The following GABBR1 variants were observed in gnomAD, a reference collection of about 807,000 sequenced individuals.
GABBR1 encodes gamma-aminobutyric acid type B receptor subunit 1.
A neutral mutation model predicts 117.7 loss-of-function variants in GABBR1; 35 were observed. That is an observed-to-expected ratio of 0.30 (90% CI 0.23 to 0.39). The LOEUF (loss-of-function observed/expected upper bound fraction) is 0.39, where lower values mean the gene tolerates loss of function less well. Among genes scored for constraint, GABBR1 ranks in the 10% least tolerant of loss-of-function variants. GABBR1 has a pLI of 1.00. For synonymous variants in GABBR1, 442 were observed against 486.6 expected (o/e 0.91, Z 1.21); for missense variants, 709 against 1,241.8 (o/e 0.57, Z 6.45).
Position 29,609,427 on chromosome 6 carries a change from G to C in GABBR1, c.1709-48C>G. On this transcript the variant is annotated intron_variant, in intron 14 of 22. Coordinates refer to ENST00000377034, the MANE Select transcript of GABBR1 (RefSeq NM_001470.4). This position sits in a 1 kb window ranked among gnomAD's most constrained non-coding sequence, Gnocchi z 4.3. ...AGGGGAAGGGAAAAGAGAAGGGAAG[G>C]AGGACAAAGGAATGAAGACGGGATA... 1.9e-6 allele frequency: 3 copies of C among 1,541,278 alleles called. No individual in the cohort carries two copies. The highest frequency in any genetic ancestry group is 2.7e-6 in the Non-Finnish European group (3 of 1,117,326).
Position 29,629,127 on chromosome 6 carries a change from G to A in GABBR1, c.476-20C>T, listed in dbSNP as rs898172823. ...GATTCACTGGCAGCAGGAAAGACGG[G>A]GATCAGAGAAGAGTTACCACTGGCG... On this transcript the variant is annotated intron_variant, in intron 4 of 22. Coordinates refer to ENST00000377034, the MANE Select transcript of GABBR1 (RefSeq NM_001470.4). 5.6e-6 allele frequency: 9 copies of A among 1,612,800 alleles called. No homozygotes were observed. The highest frequency in any genetic ancestry group is 7.6e-6 in the Non-Finnish European group (9 of 1,179,984).
Position 29,606,994 on chromosome 6 carries a change from G to C in GABBR1, c.2120C>G (p.Pro707Arg), listed in dbSNP as rs764645892. The change falls in exon 18 of 23, where the codon CCC (proline) becomes CGC (arginine). Residue 707 changes from proline (P) to arginine (R), a missense_variant. Around this residue, in one of 9 missense-constraint regions of GABBR1, gnomAD observed 251 missense variants for 445.3 expected, o/e 0.56. Coordinates refer to ENST00000377034, the MANE Select transcript of GABBR1 (RefSeq NM_001470.4). This position sits in a 1 kb window ranked among gnomAD's most constrained non-coding sequence, Gnocchi z 4.5. The part of the protein sequence containing the change: ...EKKEWRKTLE[P>R]WKLYATVGLL... The stretch of plus-strand genomic sequence containing the variant: ...GCCCACTGTGGCATACAGCTTCCAG[G>C]GTTCCAGAGTCTGGATAAATATGTG... The C allele has an allele frequency of 1.1e-5, 18 of 1,613,982 alleles. No individual in the cohort carries two copies. Among genetic ancestry groups the C allele is most frequent in the Non-Finnish European group, 1.4e-5 (17 of 1,179,920 alleles).
At position 29,621,457 on chromosome 6, in the gene GABBR1, T is replaced by G. The variant is rs1763741794; in HGVS notation, c.1132-165A>C. On this transcript the variant is annotated intron_variant, in intron 10 of 22. Coordinates refer to ENST00000377034, the MANE Select transcript of GABBR1 (RefSeq NM_001470.4). The surrounding 1 kb of genome is among the most constrained non-coding windows in gnomAD (Gnocchi z 5.0). ...AGTAGGAAAGGCTGACAATTCTTCCTTCTAAGTTTCTCCCCAGCCCCTGTA... is the reference window on the plus strand; with the variant it reads ...AGTAGGAAAGGCTGACAATTCTTCCGTCTAAGTTTCTCCCCAGCCCCTGTA... 6.6e-6 allele frequency among the ~76,000 whole-genome samples: 1 copy of G among 152,210 alleles called. No individual in the cohort carries two copies. Among genetic ancestry groups the G allele is most frequent in the African/African-American group, 2.4e-5 (1 of 41,454 alleles).
Position 29,605,792 on chromosome 6 carries a change from G to T in GABBR1, c.2312-96C>A. On this transcript the variant is annotated intron_variant, in intron 19 of 22. Transcript: ENST00000377034. The surrounding 1 kb of genome is among the most constrained non-coding windows in gnomAD (Gnocchi z 4.2). Reference sequence around the variant, plus strand: ...TCTGCCCTTCACCTACTCTGAAATGGAAAGGGGGCCCTCCTCTCCAATCCA... The same window carrying T: ...TCTGCCCTTCACCTACTCTGAAATGTAAAGGGGGCCCTCCTCTCCAATCCA... 2.1e-6 allele frequency: 3 copies of T among 1,454,798 alleles called. No individual in the cohort carries two copies. The highest frequency in any genetic ancestry group is 2.3e-5 in the East Asian group (1 of 43,212). The allele number at this position is 1,454,798 out of a possible 1,614,324, so 90.1% of individuals were successfully genotyped here.
chr6:29,620,839 G>C lies in GABBR1; in HGVS notation c.1323+262C>G, dbSNP rs1763673774. Among the ~76,000 whole-genome samples, 1 of 151,628 alleles carries C rather than the reference G, an allele frequency of 6.6e-6. No individual in the cohort carries two copies. Among genetic ancestry groups the C allele is most frequent in the Admixed American group, 6.6e-5 (1 of 15,230 alleles). On this transcript the variant is annotated intron_variant, in intron 11 of 22. Transcript: ENST00000377034. This position sits in a 1 kb window ranked among gnomAD's most constrained non-coding sequence, Gnocchi z 4.5. ...CTCACCAACTGCTCCTCGTCTCCAT[G>C]GTAACAGCCCTTCCACTCATCAGGA... is the stretch of plus-strand genomic sequence containing the variant.
rs1173345217 is a variant in GABBR1 at position 29,631,577 on chromosome 6, G to A, written c.108C>T (p.Pro36=). The stretch of plus-strand genomic sequence containing the variant: ...CCCGGTACCTGATGCCCCCTTCCCA[G>A]GGCGGGTGTATGATCTGGCAACCTA... ...TSEGCQIIHP[P]WEGGIRYRGL... The change falls in exon 3 of 23, where the codon CCC becomes CCT. Residue 36 remains proline, a synonymous_variant. Transcript: ENST00000377034. The surrounding 1 kb of genome is among the most constrained non-coding windows in gnomAD (Gnocchi z 5.9). 1 of 1,614,036 alleles carries A rather than the reference G, an allele frequency of 6.2e-7. No individual in the cohort carries two copies. The highest frequency in any genetic ancestry group is 2.2e-5 in the East Asian group (1 of 44,894).
intron 11 of GABBR1, among the ~76,000 whole-genome samples, chr6:29,617,316 T>TTC (rs1554189163): frequency 3.4e-5 from 5 of 145,734 alleles, no homozygotes; most frequent in Middle Eastern, 3.2e-3. Flanking sequence ...TTTTTTTTTT[T>TTC]TTTTGAGATG....
chr6:29,607,071 T>A lies in GABBR1; in HGVS notation c.2109+31A>T. On this transcript the variant is annotated intron_variant, in intron 17 of 22. Coordinates refer to ENST00000377034, the MANE Select transcript of GABBR1 (RefSeq NM_001470.4). This position sits in a 1 kb window ranked among gnomAD's most constrained non-coding sequence, Gnocchi z 5.0. The stretch of plus-strand genomic sequence containing the variant: ...TGCTCTGTGCCCCAGGAGCCAAGGA[T>A]CTGGGGGCTGAGGATTGGGCAGCAG... 1 of 1,606,816 alleles carries A rather than the reference T, an allele frequency of 6.2e-7. No individual in the cohort carries two copies.
intron 13 of GABBR1, 65 bp downstream of exon 13, chr6:29,612,486 G>T: frequency 7.2e-7 from 1 of 1,392,100 alleles, no homozygotes; most frequent in East Asian, 2.3e-5. Context: ...TTCTTCCCCA[G>T]GGGGCATCCC....
rs56034620 is a variant in GABBR1, at chr6:29,632,347, G to A, written c.39C>T (p.Arg13=). 3.3e-3 allele frequency: 4,472 copies of A among 1,362,926 alleles called. 19 individuals are homozygous for A. Among genetic ancestry groups the A allele is most frequent in the Middle Eastern group, 8.5e-3 (44 of 5,152 alleles). 84.4% of individuals were successfully genotyped at this position (1,362,926 alleles called of 1,614,324 possible). A position where few individuals can be genotyped will look rare whatever the true frequency, so the allele number is the denominator to read the frequency against. The change falls in exon 2 of 23, where the codon CGC becomes CGT. Residue 13 remains arginine, a synonymous_variant. Transcript: ENST00000377034. The surrounding 1 kb of genome is among the most constrained non-coding windows in gnomAD (Gnocchi z 5.8). ...TCTGCGCCCCGCCCGCGCCCGGGGG[G>A]CGGAGGAAGAGTGGCGCCAGTAGCA... is the stretch of plus-strand genomic sequence containing the variant. The part of the protein sequence containing the change: ...LLLLLAPLFL[R]PPGAGGAQTP...
At chr6:29,614,714 C>G (rs9468560) in intron 11 of GABBR1, among the ~76,000 whole-genome samples, 2 of 152,086 alleles carry the variant, frequency 1.3e-5, no homozygotes, top group Admixed American at 1.3e-4. Flanking sequence ...TTGGATTAGG[C>G]CAGTGAAAAT....
chr6:29,603,744 T>A, intron 22 of GABBR1, 28 bp from the exon 23 acceptor site: 2 of 1,428,014 alleles, frequency 1.4e-6, no homozygotes, highest in South Asian at 1.8e-5. Flanking sequence ...ATTGGGATAG[T>A]AGGAGAAGAG....
rs150832865 is a variant in GABBR1 at position 29,610,716 on chromosome 6, C to T, written c.1708+208G>A. 4.3e-3 allele frequency among the ~76,000 whole-genome samples: 653 copies of T among 152,136 alleles called. 5 individuals carry two copies. Among genetic ancestry groups the T allele is most frequent in the Middle Eastern group, 0.017 (5 of 294 alleles). ...ATGCACCATTAAAAATAGTACTAAC[C>T]ACCGCCTATTCCCTCTCCAAATACA... is the stretch of plus-strand genomic sequence containing the variant. On this transcript the variant is annotated intron_variant, in intron 14 of 22. Transcript: ENST00000377034.
chr6:29,622,021 C>T lies in GABBR1; in HGVS notation c.1065+83G>A, dbSNP rs140896697. On this transcript the variant is annotated intron_variant, in intron 9 of 22. Transcript: ENST00000377034. The surrounding 1 kb of genome is among the most constrained non-coding windows in gnomAD (Gnocchi z 4.6). ...GCCTCAGAGAATCAAAACCTGCCCC[C>T]GCCTGGCTTTCCTCTCCAACCAGTC... is the stretch of plus-strand genomic sequence containing the variant. 6 of 1,284,138 alleles carry T rather than the reference C, an allele frequency of 4.7e-6. No homozygotes were observed. Among genetic ancestry groups the T allele is most frequent in the African/African-American group, 1.5e-5 (1 of 68,026 alleles). 79.5% of individuals were successfully genotyped at this position (1,284,138 alleles called of 1,614,324 possible). A position where few individuals can be genotyped will look rare whatever the true frequency, so the allele number is the denominator to read the frequency against.
rs1583004255 is a variant in GABBR1, at chr6:29,623,565, T to G, written c.793-90A>C. ...GTTCCTTTAACCCTCTTCCTGCCTT[T>G]GGGTTTCTCTTCCTTACTCTCTCCA... On this transcript the variant is annotated intron_variant, in intron 7 of 22. Coordinates refer to ENST00000377034, the MANE Select transcript of GABBR1 (RefSeq NM_001470.4). The surrounding 1 kb of genome is among the most constrained non-coding windows in gnomAD (Gnocchi z 6.2). 2 of 1,318,852 alleles carry G rather than the reference T, an allele frequency of 1.5e-6. No homozygotes were observed. The highest frequency in any genetic ancestry group is 2.1e-6 in the Non-Finnish European group (2 of 951,314). 81.7% of individuals were successfully genotyped at this position (1,318,852 alleles called of 1,614,324 possible).
At position 29,611,091 on chromosome 6, in the gene GABBR1, A is replaced by G; in HGVS notation, c.1631-90T>C. ...ACTTCCCACTTCCCTAGAGCTTTGC[A>G]TGGTTGTATCTGATTTTATTTTCAC... is the stretch of plus-strand genomic sequence containing the variant. On this transcript the variant is annotated intron_variant, in intron 13 of 22. Coordinates refer to ENST00000377034, the MANE Select transcript of GABBR1 (RefSeq NM_001470.4). The surrounding 1 kb of genome is among the most constrained non-coding windows in gnomAD (Gnocchi z 4.6). 2.0e-6 allele frequency: 2 copies of G among 1,021,026 alleles called. No individual in the cohort carries two copies. Among genetic ancestry groups the G allele is most frequent in the East Asian group, 2.4e-5 (1 of 41,704 alleles). The allele number at this position is 1,021,026 out of a possible 1,614,324, so 63.2% of individuals were successfully genotyped here.
At position 29,613,180 on chromosome 6, in the gene GABBR1, G is replaced by A; in HGVS notation, c.1566+63C>T. On this transcript the variant is annotated intron_variant, in intron 12 of 22. Coordinates refer to ENST00000377034, the MANE Select transcript of GABBR1 (RefSeq NM_001470.4). The surrounding 1 kb of genome is among the most constrained non-coding windows in gnomAD (Gnocchi z 4.1). Reference sequence around the variant, plus strand: ...CAGAGAATGCATGTTTGTAGAAGGTGCCTCTTGGGAGTCTCTCTCAAGATT... The same window carrying A: ...CAGAGAATGCATGTTTGTAGAAGGTACCTCTTGGGAGTCTCTCTCAAGATT... The A allele has an allele frequency of 1.3e-6, 2 of 1,521,470 alleles. No individual in the cohort carries two copies. Among genetic ancestry groups the A allele is most frequent in the South Asian group, 2.3e-5 (2 of 86,872 alleles). The allele number at this position is 1,521,470 out of a possible 1,614,324, so 94.2% of individuals were successfully genotyped here.
In GABBR1 at chr6:29,607,028, A is replaced by C. The variant is rs757263403; in HGVS notation, c.2110-24T>G. 6.2e-7 allele frequency: 1 copy of C among 1,611,792 alleles called. No homozygotes were observed. The highest frequency in any genetic ancestry group is 8.5e-7 in the Non-Finnish European group (1 of 1,177,828). On this transcript the variant is annotated intron_variant, in intron 17 of 22. Coordinates refer to ENST00000377034, the MANE Select transcript of GABBR1 (RefSeq NM_001470.4). The surrounding 1 kb of genome is among the most constrained non-coding windows in gnomAD (Gnocchi z 5.0). ...GTCTGGATAAATATGTGGGGAGAAC[A>C]GGCACGTCAGGGGAAAATGCTCTGT...
intron 11 of GABBR1, among the ~76,000 whole-genome samples, chr6:29,615,264 C>T (rs1378141648): frequency 1.3e-5 from 2 of 148,722 alleles, no homozygotes; most frequent in Admixed American, 6.8e-5. Flanking sequence ...TACACTCCAG[C>T]CTGGGCGACA....
Sources: gnomAD v4.1 joint callset for allele counts (sites outside exome capture counted in the v4.1 genomes callset) on GRCh38, gnomAD v4.1.1 for gene constraint, gnomAD v4.1.1 regional missense constraint, Gnocchi (gnomAD v3.1) non-coding constraint, MANE v1.5 for transcripts, NCBI Gene and HGNC (gene_info 2026-07-23, HGNC 2026-07-21) for gene names.